The following PLEKHH2 variants were observed in gnomAD, a reference collection of about 807,000 sequenced individuals.
PLEKHH2 encodes pleckstrin homology, MyTH4 and FERM domain containing H2.
PLEKHH2 carries 129 observed loss-of-function variants against 187.9 expected under a neutral mutation model. The observed-to-expected ratio is 0.69, with a 90% confidence interval of 0.59 to 0.79. The LOEUF (loss-of-function observed/expected upper bound fraction) is 0.79. Among genes scored for constraint, PLEKHH2 ranks in the 30% least tolerant of loss-of-function variants. PLEKHH2 has a pLI of 0.00. For synonymous variants in PLEKHH2, 686 were observed against 605.6 expected, an observed-to-expected ratio of 1.13 and a Z score of -1.95; for missense variants, 2,076 against 1,751.2, an observed-to-expected ratio of 1.19 and a Z score of -3.31.
chr2:43,749,613 A>T (rs986852331), intron 24 of PLEKHH2, among the ~76,000 whole-genome samples: 3 of 152,230 alleles, frequency 2.0e-5, no homozygotes, highest in African/African-American at 7.2e-5. Flanking sequence ...GACAGCAGGA[A>T]AAAAATTAAC....
At chr2:43,697,817 GA>G (rs1018473672) in intron 7 of PLEKHH2, among the ~76,000 whole-genome samples, 60 of 151,904 alleles carry the variant, frequency 3.9e-4, no homozygotes, top group Admixed American at 7.2e-4. Flanking sequence ...AACTTCTAAA[GA>G]AAAAAACCCT....
In PLEKHH2 at chr2:43,707,493, G is replaced by A; in HGVS notation, c.1914G>A (p.Glu638=). The A allele has an allele frequency of 2.5e-6, 4 of 1,614,186 alleles. No individual in the cohort carries two copies. Among genetic ancestry groups the A allele is most frequent in the Middle Eastern group, 1.6e-4 (1 of 6,062 alleles). Residue 638 remains glutamate, a synonymous_variant, in exon 11 of 30, where the codon GAG becomes GAA. Coordinates refer to ENST00000282406, the MANE Select transcript of PLEKHH2 (RefSeq NM_172069.4). ...DSSRSSSRTS[E]SDSRSRSGPG... Reference sequence around the variant, plus strand: ...CCAGATCCAGCTCCCGGACGTCAGAGTCAGACTCACGCAGTAGGAGTGGGC... The same window carrying A: ...CCAGATCCAGCTCCCGGACGTCAGAATCAGACTCACGCAGTAGGAGTGGGC...
In PLEKHH2 at chr2:43,699,864, C is replaced by T. The variant is rs746978677; in HGVS notation, c.906C>T (p.Cys302=). The change falls in exon 8 of 30, where the codon TGC becomes TGT. Residue 302 remains cysteine, a synonymous_variant. Transcript: ENST00000282406. The part of the protein sequence containing the change: ...DGSKGRSKSR[C]TSTLSSHTSE... ...GCAAAGGAAGATCCAAGTCCAGATGCACATCCACCCTCTCCAGTCACACAT... is the reference window on the plus strand; with the variant it reads ...GCAAAGGAAGATCCAAGTCCAGATGTACATCCACCCTCTCCAGTCACACAT... The T allele has an allele frequency of 1.2e-6, 2 of 1,614,084 alleles. No homozygotes were observed. Among genetic ancestry groups the T allele is most frequent in the Admixed American group, 3.3e-5 (2 of 60,002 alleles).
chr2:43,706,285 GT>G (rs1669651600), intron 9 of PLEKHH2, 36 bp from the exon 10 acceptor site: 3 of 1,460,844 alleles, frequency 2.1e-6, no homozygotes, highest in Non-Finnish European at 2.9e-6. Context: ...CTAATTAGAA[GT>G]TTTTTAAAAT....
chr2:43,699,428 G>A (rs1669244219), intron 7 of PLEKHH2, among the ~76,000 whole-genome samples: 1 of 151,996 alleles, frequency 6.6e-6, no homozygotes, highest in Non-Finnish European at 1.5e-5. Context: ...ACCCAGGCTG[G>A]AGTGCAGTGG....
intron 2 of PLEKHH2, among the ~76,000 whole-genome samples, chr2:43,655,810 C>A (rs565318513): frequency 6.6e-6 from 1 of 152,146 alleles, no homozygotes; most frequent in Non-Finnish European, 1.5e-5. Context: ...AGCTTTGCAA[C>A]AGCAGCAGAC....
At chr2:43,720,855 A>T in intron 16 of PLEKHH2, 106 bp downstream of exon 16, 3 of 1,459,146 alleles carry the variant, frequency 2.1e-6, no homozygotes, top group Non-Finnish European at 2.7e-6. Context: ...CAGAATCTTT[A>T]TGAGGTTGAA....
At chr2:43,653,207 C>T (rs1666575121) in intron 2 of PLEKHH2, among the ~76,000 whole-genome samples, 1 of 152,042 alleles carries the variant, frequency 6.6e-6, no homozygotes, top group South Asian at 2.1e-4. Context: ...CCTACCATAA[C>T]AGATTAACAT....
intron 23 of PLEKHH2, among the ~76,000 whole-genome samples, chr2:43,744,525 G>T (rs1671694933): frequency 6.6e-6 from 1 of 152,190 alleles, no homozygotes; most frequent in South Asian, 2.1e-4. Flanking sequence ...TTTAAGTTCA[G>T]CATTGGGAGT....
intron 29 of PLEKHH2, among the ~76,000 whole-genome samples, 165 bp from the exon 30 acceptor site, chr2:43,765,248 G>C (rs952444464): frequency 4.6e-5 from 7 of 152,158 alleles, no homozygotes; most frequent in African/African-American, 1.7e-4. Context: ...TGGCTGCCTT[G>C]ATGGTGCTGG....
intron 3 of PLEKHH2, among the ~76,000 whole-genome samples, chr2:43,681,831 G>A (rs936640789): frequency 2.0e-5 from 3 of 152,126 alleles, no homozygotes; most frequent in African/African-American, 7.2e-5. Context: ...GCAGATACAT[G>A]AAAGTTTTAA....
rs1172281833 is a variant in PLEKHH2 at position 43,766,190 on chromosome 2, T to G, written c.*592T>G. 1 of 152,840 alleles carries G rather than the reference T, an allele frequency of 6.5e-6. No individual in the cohort carries two copies. Among genetic ancestry groups the G allele is most frequent in the African/African-American group, 2.4e-5 (1 of 41,454 alleles). 9.5% of individuals were successfully genotyped at this position (152,840 alleles called of 1,614,324 possible). A position where few individuals can be genotyped will look rare whatever the true frequency, so the allele number is the denominator to read the frequency against. On this transcript the variant is annotated 3_prime_UTR_variant, in exon 30 of 30. Transcript: ENST00000282406. ...GAAAGCAGGATAACATTAGGTAACCTGAGCCTCCTGTGTGGTATTAGAAAG... is the reference window on the plus strand; with the variant it reads ...GAAAGCAGGATAACATTAGGTAACCGGAGCCTCCTGTGTGGTATTAGAAAG...
At chr2:43,746,482 C>T (rs1394101501) in intron 24 of PLEKHH2, among the ~76,000 whole-genome samples, 1 of 152,104 alleles carries the variant, frequency 6.6e-6, no homozygotes, top group Non-Finnish European at 1.5e-5. Flanking sequence ...CTGCACTCTA[C>T]ACTCCAGCCT....
chr2:43,739,549 A>T (rs1047251675), intron 20 of PLEKHH2, among the ~76,000 whole-genome samples: 1 of 152,224 alleles, frequency 6.6e-6, no homozygotes, highest in Admixed American at 6.5e-5. Flanking sequence ...TAAGACAAAG[A>T]CTTGAAAATG....
At position 43,676,352 on chromosome 2, in the gene PLEKHH2, T is replaced by A. The variant is rs746510382; in HGVS notation, c.124-2511T>A. 64 of 1,537,474 alleles carry A rather than the reference T, an allele frequency of 4.2e-5. 1 individual carries two copies. The Admixed American group carries it at 1.2e-3, about 29-fold the overall frequency. ...CAGGCGTTAGGACAGTGTGCCAGGGTCAAAGGCAGCCTGGGACCGGGTCCT... is the reference window on the plus strand; with the variant it reads ...CAGGCGTTAGGACAGTGTGCCAGGGACAAAGGCAGCCTGGGACCGGGTCCT... On this transcript the variant is annotated intron_variant, in intron 2 of 29. Coordinates refer to ENST00000282406, the MANE Select transcript of PLEKHH2 (RefSeq NM_172069.4).
chr2:43,666,678 T>G (rs1339420784), intron 2 of PLEKHH2, among the ~76,000 whole-genome samples: 1 of 152,228 alleles, frequency 6.6e-6, no homozygotes, highest in Non-Finnish European at 1.5e-5. Flanking sequence ...TCATTTTAGT[T>G]CTAATTTGCA....
chr2:43,741,210 C>G lies in PLEKHH2; in HGVS notation c.3221+167C>G, dbSNP rs1052044753. ...TTGATGTGGAGCTAGGAAAATATTTCCTTTGTTATGTTAAATCTCTTAGGG... is the reference window on the plus strand; with the variant it reads ...TTGATGTGGAGCTAGGAAAATATTTGCTTTGTTATGTTAAATCTCTTAGGG... On this transcript the variant is annotated intron_variant, in intron 21 of 29. Coordinates refer to ENST00000282406, the MANE Select transcript of PLEKHH2 (RefSeq NM_172069.4). 7 of 504,174 alleles carry G rather than the reference C, an allele frequency of 1.4e-5. No homozygotes were observed. In the African/African-American group the frequency reaches 1.4e-4, roughly 10 times the overall value. The allele number at this position is 504,174 out of a possible 1,614,324, so 31.2% of individuals were successfully genotyped here.
At chr2:43,697,583 T>A (rs997590123) in intron 7 of PLEKHH2, among the ~76,000 whole-genome samples, 1 of 152,156 alleles carries the variant, frequency 6.6e-6, no homozygotes, top group African/African-American at 2.4e-5. Context: ...TCGTAATATA[T>A]TTTTCCTGCT....
At chr2:43,683,503 T>A (rs1668343468) in intron 3 of PLEKHH2, among the ~76,000 whole-genome samples, 3 of 152,138 alleles carry the variant, frequency 2.0e-5, no homozygotes, top group Non-Finnish European at 2.9e-5. Context: ...TTGATACATT[T>A]CATTTGATTC....
Sources: gnomAD v4.1 joint callset for allele counts (sites outside exome capture counted in the v4.1 genomes callset) on GRCh38, gnomAD v4.1.1 for gene constraint, MANE v1.5 for transcripts, NCBI Gene and HGNC (gene_info 2026-07-23, HGNC 2026-07-21) for gene names.